Variants in TRAK2 observed in about 807,000 individuals in gnomAD.
The protein encoded by TRAK2 is trafficking kinesin protein 2.
In TRAK2, 81 loss-of-function variants were observed where a neutral mutation model predicts 104.6. The observed-to-expected ratio is 0.77, with a 90% confidence interval of 0.65 to 0.93. TRAK2 has a LOEUF of 0.93. Among genes scored for constraint, TRAK2 ranks in the 40% least tolerant of loss-of-function variants. The probability of loss-of-function intolerance (pLI) is 0.00; values close to 1 mark genes in which losing one functional copy is unlikely to be tolerated. For missense variants in TRAK2, 1,002 were observed against 1,089.0 expected, an observed-to-expected ratio of 0.92 and a Z score of 1.12; for synonymous variants, 406 against 394.4, an observed-to-expected ratio of 1.03 and a Z score of -0.35.
chr2:201,449,477 GTTCT>G, intron 1 of TRAK2, among the ~76,000 whole-genome samples: 1 of 122,410 alleles, frequency 8.2e-6, no homozygotes, highest in Admixed American at 1.1e-4. Flanking sequence ...TAAAATGTTG[GTTCT>G]TTTTTTTTTT....
intron 14 of TRAK2, among the ~76,000 whole-genome samples, chr2:201,384,636 T>G (rs536689426): frequency 1.3e-5 from 2 of 152,330 alleles, no homozygotes; most frequent in Non-Finnish European, 2.9e-5. Context: ...GGTTGACATT[T>G]GCACTGCTGG....
intron 1 of TRAK2, among the ~76,000 whole-genome samples, chr2:201,446,418 G>T (rs1951964616): frequency 1.3e-5 from 2 of 152,300 alleles, no homozygotes; most frequent in South Asian, 4.1e-4. Context: ...CAACTTGAAG[G>T]AGGTATTGCC....
At position 201,389,317 on chromosome 2, in the gene TRAK2, G is replaced by C; in HGVS notation, c.1380C>G (p.Ser460Arg). The change falls in exon 12 of 16, where the codon AGC (serine) becomes AGG (arginine). Residue 460 changes from serine (S) to arginine (R), a missense_variant. Coordinates refer to ENST00000332624, the MANE Select transcript of TRAK2 (RefSeq NM_015049.3). ...EDKSLLNQGS[S>R]SEEVAGSSQK... Reference sequence around the variant, plus strand: ...ATTCCTACCCTGCAACCTCCTCTGAGCTGCTCCCCTGGTTCAGGAGTGATT... The same window carrying C: ...ATTCCTACCCTGCAACCTCCTCTGACCTGCTCCCCTGGTTCAGGAGTGATT... The C allele has an allele frequency of 6.2e-7, 1 of 1,614,156 alleles. No individual in the cohort carries two copies. The highest frequency in any genetic ancestry group is 8.5e-7 in the Non-Finnish European group (1 of 1,180,022).
chr2:201,383,684 G>T (rs1476909263), intron 15 of TRAK2, among the ~76,000 whole-genome samples: 2 of 152,172 alleles, frequency 1.3e-5, no homozygotes, highest in Non-Finnish European at 2.9e-5. Flanking sequence ...ATAACAACTT[G>T]CTGTGAGTTC....
chr2:201,401,253 G>A (rs540490274), intron 3 of TRAK2, among the ~76,000 whole-genome samples, 159 bp from the exon 4 acceptor site: 1 of 152,148 alleles, frequency 6.6e-6, no homozygotes, highest in South Asian at 2.1e-4. Flanking sequence ...AATGTTTCAT[G>A]TATTAGACAC....
rs768849616 is a variant in TRAK2 at position 201,388,005 on chromosome 2, T to C, written c.1398-4A>G. ...TTGGCCCATCTTCTGGGAGCTCCTA[T>C]AGGAAAATCGCGTTCACTGATTAGA... On this transcript the variant is annotated splice_polypyrimidine_tract_variant and splice_region_variant and intron_variant, in intron 12 of 15. Transcript: ENST00000332624. 2.0e-5 allele frequency: 33 copies of C among 1,613,906 alleles called. No individual in the cohort carries two copies. Among genetic ancestry groups the C allele is most frequent in the Non-Finnish European group, 2.7e-5 (32 of 1,179,960 alleles).
rs1951655934 is a variant in TRAK2 at position 201,412,446 on chromosome 2, T to G, written c.92-4849A>C. 10 of 1,233,654 alleles carry G rather than the reference T, an allele frequency of 8.1e-6. No individual in the cohort carries two copies. In the South Asian group the frequency reaches 1.2e-4, roughly 15 times the overall value. 76.4% of individuals were successfully genotyped at this position (1,233,654 alleles called of 1,614,324 possible). On this transcript the variant is annotated intron_variant, in intron 2 of 15. Coordinates refer to ENST00000332624, the MANE Select transcript of TRAK2 (RefSeq NM_015049.3). ...CAGGTATATTTATAAGTGAACTAGATCCTAAATAACTCAACTGATCCAACT... is the reference window on the plus strand; with the variant it reads ...CAGGTATATTTATAAGTGAACTAGAGCCTAAATAACTCAACTGATCCAACT...
chr2:201,412,243 G>C (rs1476344951), intron 2 of TRAK2: 1 of 1,003,242 alleles, frequency 1.0e-6, no homozygotes, highest in Non-Finnish European at 1.6e-6. Flanking sequence ...TAGAACCTTT[G>C]GCAGTCCGTT....
intron 3 of TRAK2, among the ~76,000 whole-genome samples, chr2:201,405,183 C>T (rs758518401): frequency 6.6e-6 from 1 of 152,162 alleles, no homozygotes; most frequent in Non-Finnish European, 1.5e-5. Context: ...AATAAATCTG[C>T]TAACCTCTAT....
intron 3 of TRAK2, among the ~76,000 whole-genome samples, chr2:201,405,115 T>C (rs1000977813): frequency 7.9e-5 from 12 of 152,292 alleles, no homozygotes; most frequent in African/African-American, 2.6e-4. Flanking sequence ...CTAAGTGTCT[T>C]AGGGTGTATA....
At chr2:201,425,774 A>T (rs1254898424) in intron 1 of TRAK2, among the ~76,000 whole-genome samples, 1 of 151,822 alleles carries the variant, frequency 6.6e-6, no homozygotes, top group Non-Finnish European at 1.5e-5. Flanking sequence ...AGAGAGAGAG[A>T]GTGAGGAGGG....
chr2:201,381,422 A>G (rs1275790442), intron 15 of TRAK2, among the ~76,000 whole-genome samples: 2 of 152,242 alleles, frequency 1.3e-5, no homozygotes, highest in Non-Finnish European at 2.9e-5. Context: ...TTTGTAATTC[A>G]TAACTTAGTA....
intron 3 of TRAK2, 83 bp downstream of exon 3, chr2:201,407,320 C>T (rs113185307): frequency 0.011 from 12,886 of 1,196,766 alleles, 105 homozygotes; most frequent in Non-Finnish European, 0.013. Flanking sequence ...GGCTACTAAA[C>T]ATCAGTGCTT....
intron 7 of TRAK2, 129 bp from the exon 8 acceptor site, chr2:201,395,573 T>TA (rs958997196): frequency 4.7e-4 from 444 of 939,234 alleles, no homozygotes; most frequent in South Asian, 8.3e-4. Context: ...TTCTTAAACA[T>TA]AAAAAAAAAT....
intron 2 of TRAK2, among the ~76,000 whole-genome samples, chr2:201,417,676 G>T (rs1224563787): frequency 1.3e-5 from 2 of 152,108 alleles, no homozygotes; most frequent in Non-Finnish European, 2.9e-5. Flanking sequence ...AAGGATGTTT[G>T]CTCTTACCAT....
intron 2 of TRAK2, chr2:201,410,596 G>A (rs2125650704): frequency 2.4e-6 from 3 of 1,259,908 alleles, no homozygotes; most frequent in Non-Finnish European, 3.5e-6. Flanking sequence ...ATTGGTCATA[G>A]CAGTTGGTGG....
chr2:201,408,991 C>T (rs1204150852), intron 2 of TRAK2, among the ~76,000 whole-genome samples: 2 of 151,994 alleles, frequency 1.3e-5, no homozygotes, highest in Non-Finnish European at 2.9e-5. Context: ...TGAAGGAAAT[C>T]GGAAAGGGGA....
intron 3 of TRAK2, 53 bp from the exon 4 acceptor site, chr2:201,401,147 T>G: frequency 1.7e-6 from 2 of 1,208,600 alleles, no homozygotes; most frequent in Non-Finnish European, 2.3e-6. Context: ...TGAAAAAATT[T>G]AAATATTAAT....
At chr2:201,443,227 T>G (rs527750594) in intron 1 of TRAK2, among the ~76,000 whole-genome samples, 26 of 152,286 alleles carry the variant, frequency 1.7e-4, no homozygotes, top group Non-Finnish European at 3.2e-4. Flanking sequence ...ACAACCTGAT[T>G]TCATCCTAAA....
Sources: gnomAD v4.1 joint callset for allele counts (sites outside exome capture counted in the v4.1 genomes callset) on GRCh38, gnomAD v4.1.1 for gene constraint, MANE v1.5 for transcripts, NCBI Gene and HGNC (gene_info 2026-07-23, HGNC 2026-07-21) for gene names.